Variants in PDE11A observed in about 807,000 individuals in gnomAD.
The protein encoded by PDE11A is phosphodiesterase 11A.
In PDE11A, 100 loss-of-function variants were observed where a neutral mutation model predicts 100.5. The ratio of observed to expected loss-of-function variants is 1.00; its 90% confidence interval spans 0.85 to 1.18. The LOEUF (loss-of-function observed/expected upper bound fraction) is 1.18, where lower values mean the gene tolerates loss of function less well. Ranked by LOEUF, PDE11A falls within the 50% of genes most tolerant of loss-of-function variation. PDE11A has a pLI of 0.00. For synonymous variants in PDE11A, 381 were observed against 420.8 expected, an observed-to-expected ratio of 0.91 and a Z score of 1.16; for missense variants, 1,141 against 1,152.6, an observed-to-expected ratio of 0.99 and a Z score of 0.15.
At chr2:177,806,219 A>G (rs1197042298) in intron 9 of PDE11A, among the ~76,000 whole-genome samples, 2 of 81,854 alleles carry the variant, frequency 2.4e-5, no homozygotes, top group Admixed American at 1.0e-4. Flanking sequence ...ATTCTTGCAC[A>G]TGAATTTGGC....
intron 12 of PDE11A, among the ~76,000 whole-genome samples, chr2:177,713,016 A>T (rs1162854713): frequency 2.7e-5 from 4 of 150,158 alleles, no homozygotes; most frequent in South Asian, 4.2e-4. Context: ...TGACAATTTT[A>T]TTTTTTTTTT....
chr2:177,694,438 A>G (rs1353470130), intron 15 of PDE11A, among the ~76,000 whole-genome samples: 1 of 152,214 alleles, frequency 6.6e-6, no homozygotes, highest in Non-Finnish European at 1.5e-5. Context: ...CAGAAAATAG[A>G]TGAAAGATCA....
intron 5 of PDE11A, among the ~76,000 whole-genome samples, chr2:177,867,105 T>G (rs2084043192): frequency 6.6e-6 from 1 of 152,236 alleles, no homozygotes; most frequent in Non-Finnish European, 1.5e-5. Context: ...GTGTGTGTAT[T>G]TATATACACT....
intron 1 of PDE11A, among the ~76,000 whole-genome samples, chr2:178,032,782 A>ACTGCAGCAGAC (rs1266083454): frequency 6.6e-6 from 1 of 152,188 alleles, no homozygotes; most frequent in African/African-American, 2.4e-5. Context: ...CCTCCAGCAA[A>ACTGCAGCAGAC]CTGCAGCAGA....
chr2:177,748,555 G>C (rs1225657781), intron 10 of PDE11A, among the ~76,000 whole-genome samples: 2 of 152,122 alleles, frequency 1.3e-5, no homozygotes, highest in Non-Finnish European at 2.9e-5. Flanking sequence ...GAAGAGTCAT[G>C]AACTATGTAG....
chr2:177,823,339 T>C (rs2083173507), intron 6 of PDE11A, among the ~76,000 whole-genome samples: 2 of 152,148 alleles, frequency 1.3e-5, no homozygotes, highest in African/African-American at 4.8e-5. Context: ...CAAACACTAT[T>C]GGAAAGACAA....
At chr2:177,877,069 T>C (rs1171190547) in intron 4 of PDE11A, among the ~76,000 whole-genome samples, 1 of 147,550 alleles carries the variant, frequency 6.8e-6, no homozygotes, top group African/African-American at 2.6e-5. Flanking sequence ...AGGAATTAAA[T>C]GAGCCCAAAG....
chr2:177,897,834 C>T (rs574837032), intron 4 of PDE11A, among the ~76,000 whole-genome samples: 4 of 152,250 alleles, frequency 2.6e-5, no homozygotes, highest in Admixed American at 6.5e-5. Context: ...GGTTAGATCT[C>T]TAAAGTCCCT....
chr2:177,846,034 G>GGGGAGA (rs763764893), intron 5 of PDE11A, among the ~76,000 whole-genome samples: 5,680 of 146,082 alleles, frequency 0.039, 167 homozygotes, highest in East Asian at 0.089. Context: ...GGGAGACCGT[G>GGGGAGA]GGGAGAGGGA....
Position 177,858,644 on chromosome 2 carries a change from A to G in PDE11A, c.1367+17215T>C, listed in dbSNP as rs541755055. Among the ~76,000 whole-genome samples the G allele has an allele frequency of 7.2e-3, 1,102 of 152,248 alleles. 13 individuals are homozygous for G. Among genetic ancestry groups the G allele is most frequent in the African/African-American group, 0.025 (1,023 of 41,540 alleles). On this transcript the variant is annotated intron_variant, in intron 5 of 19. Coordinates refer to ENST00000286063, the MANE Select transcript of PDE11A (RefSeq NM_016953.4). Reference sequence around the variant, plus strand: ...GAAATAGGAACACTTTTACACTGTTAGTGGGAGTGTAAACTAGTTCAACCA... The same window carrying G: ...GAAATAGGAACACTTTTACACTGTTGGTGGGAGTGTAAACTAGTTCAACCA...
At chr2:177,727,400 A>G (rs1313951286) in intron 12 of PDE11A, among the ~76,000 whole-genome samples, 1 of 152,164 alleles carries the variant, frequency 6.6e-6, no homozygotes, top group South Asian at 2.1e-4. Flanking sequence ...TTGTAAAAGA[A>G]CAAGTTTACC....
intron 9 of PDE11A, among the ~76,000 whole-genome samples, chr2:177,780,205 G>C (rs1389926255): frequency 6.6e-6 from 1 of 152,102 alleles, no homozygotes; most frequent in Non-Finnish European, 1.5e-5. Context: ...TCAAGACTTT[G>C]CTGTTCCATT....
Position 177,675,457 on chromosome 2 carries a change from G to T in PDE11A, c.2485C>A (p.Gln829Lys). 1 of 1,610,816 alleles carries T rather than the reference G, an allele frequency of 6.2e-7. No individual in the cohort carries two copies. The highest frequency in any genetic ancestry group is 2.2e-5 in the East Asian group (1 of 44,834). Residue 829 changes from glutamine (Q) to lysine (K), a missense_variant and splice_region_variant, in exon 17 of 20, where the codon CAG (glutamine) becomes AAG (lysine). Transcript: ENST00000286063. ...AVTKPWEISR[Q>K]VAELVTSEFF... ...CCCTGCCATTAATCACCACTTGCCT[G>T]TCTGGAGATCTCCCACGGTTTGGTC...
chr2:178,096,880 G>C (rs1038141269), intron 2 of PDE11A, among the ~76,000 whole-genome samples: 1 of 151,942 alleles, frequency 6.6e-6, no homozygotes, highest in African/African-American at 2.4e-5. Context: ...GCTGAAACTG[G>C]AGTGGCACAT....
chr2:177,712,342 C>CTTTT lies in PDE11A; in HGVS notation c.2044-468_2044-465dup, dbSNP rs35906687. Among the ~76,000 whole-genome samples the CTTTT allele has an allele frequency of 2.9e-3, 412 of 139,800 alleles. 2 individuals carry two copies. Among genetic ancestry groups the CTTTT allele is most frequent in the African/African-American group, 0.01 (384 of 37,806 alleles). The allele number at this position is 139,800 out of a possible 152,430, so 91.7% of individuals were successfully genotyped here. ...CAGGCAGAAGGAGAACACAACCCTT[C>CTTTT]TTTTTTTTTTTTTTTTTAACATTAA... On this transcript the variant is annotated intron_variant, in intron 12 of 19. Transcript: ENST00000286063.
At chr2:177,998,758 C>G in intron 2 of PDE11A, 1 of 805,490 alleles carries the variant, frequency 1.2e-6, no homozygotes, top group Non-Finnish European at 2.2e-6. Flanking sequence ...TAAAGCTCCT[C>G]TACCATCGGC....
At chr2:178,045,514 A>G (rs2086737823) in intron 1 of PDE11A, among the ~76,000 whole-genome samples, 1 of 152,220 alleles carries the variant, frequency 6.6e-6, no homozygotes, top group Non-Finnish European at 1.5e-5. Flanking sequence ...ATACCACACC[A>G]GAGACAGCAG....
intron 10 of PDE11A, among the ~76,000 whole-genome samples, chr2:177,731,567 C>T (rs199955447): frequency 7.3e-4 from 111 of 152,286 alleles, no homozygotes; most frequent in East Asian, 2.7e-3. Context: ...TCTGCACTGA[C>T]GATTCCCTAA....
chr2:178,001,311 T>TGTGTGG (rs59287027), intron 2 of PDE11A, among the ~76,000 whole-genome samples: 27 of 148,018 alleles, frequency 1.8e-4, no homozygotes, highest in Non-Finnish European at 3.9e-4. Flanking sequence ...TGTGTGTGTG[T>TGTGTGG]AGTAGGTTTA....
Sources: gnomAD v4.1 joint callset for allele counts (sites outside exome capture counted in the v4.1 genomes callset) on GRCh38, gnomAD v4.1.1 for gene constraint, MANE v1.5 for transcripts, NCBI Gene and HGNC (gene_info 2026-07-23, HGNC 2026-07-21) for gene names.